The following C6orf58 variants were observed in gnomAD, a reference collection of about 807,000 sequenced individuals.
C6orf58 encodes chromosome 6 open reading frame 58, also known as protein LEG1 homolog.
In C6orf58, 30 loss-of-function variants were observed where a neutral mutation model predicts 37.0. That is an observed-to-expected ratio of 0.81 (90% CI 0.61 to 1.10). The LOEUF (loss-of-function observed/expected upper bound fraction) is 1.10. Among genes scored for constraint, C6orf58 ranks in the 50% least tolerant of loss-of-function variants. The probability of loss-of-function intolerance (pLI) is 0.00; values close to 1 mark genes in which losing one functional copy is unlikely to be tolerated. For synonymous variants in C6orf58, 143 were observed against 134.1 expected, an observed-to-expected ratio of 1.07 and a Z score of -0.46; for missense variants, 368 against 387.5, an observed-to-expected ratio of 0.95 and a Z score of 0.42.
chr6:127,581,308 CTATT>C, intron 4 of C6orf58, 26 bp downstream of exon 4: 1 of 1,023,550 alleles, frequency 9.8e-7, no homozygotes, highest in Non-Finnish European at 1.4e-6. Flanking sequence ...TAAAGTATCT[CTATT>C]TAATATGATA....
At chr6:127,587,283 A>C (rs1325953104) in intron 4 of C6orf58, among the ~76,000 whole-genome samples, 1 of 152,040 alleles carries the variant, frequency 6.6e-6, no homozygotes, top group Non-Finnish European at 1.5e-5. Context: ...ATTCCCTTCT[A>C]TTGTCTCTTT....
intron 4 of C6orf58, among the ~76,000 whole-genome samples, chr6:127,587,903 A>T (rs1775122548): frequency 6.6e-6 from 1 of 152,220 alleles, no homozygotes. Context: ...TTAAAGGCAA[A>T]TTGACAGGGT....
At chr6:127,579,302 G>A (rs1232085349) in intron 2 of C6orf58, among the ~76,000 whole-genome samples, 1 of 152,060 alleles carries the variant, frequency 6.6e-6, no homozygotes, top group Non-Finnish European at 1.5e-5. Flanking sequence ...TTATGCTTTA[G>A]TAATGAAAAC....
At chr6:127,590,851 T>C (rs954752680) in intron 5 of C6orf58, among the ~76,000 whole-genome samples, 1 of 152,134 alleles carries the variant, frequency 6.6e-6, no homozygotes, top group African/African-American at 2.4e-5. Flanking sequence ...CAGAGGGTTC[T>C]TTATCTACCA....
intron 4 of C6orf58, among the ~76,000 whole-genome samples, chr6:127,588,550 C>G (rs1230302171): frequency 2.0e-5 from 3 of 152,186 alleles, no homozygotes. Context: ...CTCTGTGGCT[C>G]TGTATCCTCA....
rs765260589 is a variant in C6orf58, at chr6:127,591,639, C to A, written c.*17C>A. The A allele has an allele frequency of 6.8e-7, 1 of 1,480,310 alleles. No homozygotes were observed. Among genetic ancestry groups the A allele is most frequent in the Admixed American group, 2.7e-5 (1 of 36,966 alleles). 91.7% of individuals were successfully genotyped at this position (1,480,310 alleles called of 1,614,324 possible). Reference sequence around the variant, plus strand: ...AACTCCTGAAACATTTAACTTCAAACTTCAGGAAATGATTAATGAATTAAA... The same window carrying A: ...AACTCCTGAAACATTTAACTTCAAAATTCAGGAAATGATTAATGAATTAAA... On this transcript the variant is annotated 3_prime_UTR_variant, in exon 6 of 6. Coordinates refer to ENST00000329722, the MANE Select transcript of C6orf58 (RefSeq NM_001010905.3).
chr6:127,581,185 T>C lies in C6orf58; in HGVS notation c.577T>C (p.Leu193=), dbSNP rs774583190. 6.8e-7 allele frequency: 1 copy of C among 1,467,844 alleles called. No homozygotes were observed. Among genetic ancestry groups the C allele is most frequent in the Non-Finnish European group, 9.2e-7 (1 of 1,089,078 alleles). The allele number at this position is 1,467,844 out of a possible 1,614,324, so 90.9% of individuals were successfully genotyped here. ...AAATTTGACCTCTTTACCTTAGTAT[T>C]TGCAGTCACCTTTTAGTAAGTTTGA... is the stretch of plus-strand genomic sequence containing the variant. ...MNKWNTFYQY[L]QSPFSKFDDL... The change falls in exon 4 of 6, where the codon TTG becomes CTG. Residue 193 remains leucine, a synonymous_variant. Coordinates refer to ENST00000329722, the MANE Select transcript of C6orf58 (RefSeq NM_001010905.3).
intron 5 of C6orf58, 110 bp from the exon 6 acceptor site, chr6:127,591,433 C>A: frequency 1.0e-6 from 1 of 966,504 alleles, no homozygotes; most frequent in Non-Finnish European, 1.4e-6. Context: ...ATGATTTTAC[C>A]ATTAAATTAG....
chr6:127,577,587 T>C, intron 1 of C6orf58, 101 bp downstream of exon 1: 2 of 965,738 alleles, frequency 2.1e-6, no homozygotes, highest in South Asian at 3.0e-5. Flanking sequence ...TTTTAAAAAT[T>C]GATTCTTTAT....
At chr6:127,588,452 A>G (rs188496324) in intron 4 of C6orf58, among the ~76,000 whole-genome samples, 9 of 152,276 alleles carry the variant, frequency 5.9e-5, no homozygotes, top group Admixed American at 5.2e-4. Context: ...AAGCTCATCA[A>G]GTTACTTTCT....
At chr6:127,582,762 A>C (rs766926607) in intron 4 of C6orf58, among the ~76,000 whole-genome samples, 4 of 152,166 alleles carry the variant, frequency 2.6e-5, no homozygotes, top group Non-Finnish European at 5.9e-5. Flanking sequence ...GTTGCAGACC[A>C]ATATCCAGTT....
Position 127,577,452 on chromosome 6 carries a change from G to T in C6orf58, c.267G>T (p.Gly89=). The T allele has an allele frequency of 6.2e-7, 1 of 1,613,588 alleles. No homozygotes were observed. Among genetic ancestry groups the T allele is most frequent in the East Asian group, 2.2e-5 (1 of 44,880 alleles). ...APDNEQNILW[G]LPLQYGWQYR... ...ATAATGAACAGAATATTTTATGGGG[G>T]TTGCCTCTGCAGTATGGCTGGCAAT... is the stretch of plus-strand genomic sequence containing the variant. Residue 89 remains glycine (G), a synonymous_variant, in exon 1 of 6, where the codon GGG becomes GGT. Transcript: ENST00000329722.
chr6:127,590,676 A>C (rs896703774), intron 5 of C6orf58, among the ~76,000 whole-genome samples: 1 of 151,992 alleles, frequency 6.6e-6, no homozygotes, highest in Non-Finnish European at 1.5e-5. Flanking sequence ...CTTTGCTCTT[A>C]TATTTAAAGA....
intron 4 of C6orf58, among the ~76,000 whole-genome samples, chr6:127,584,101 A>G (rs1477448865): frequency 6.6e-6 from 1 of 152,226 alleles, no homozygotes; most frequent in Non-Finnish European, 1.5e-5. Context: ...GTTTCCAGGA[A>G]TGCCCTATAA....
chr6:127,588,951 C>T (rs1416381964), intron 4 of C6orf58, among the ~76,000 whole-genome samples: 2 of 152,124 alleles, frequency 1.3e-5, no homozygotes, highest in Admixed American at 1.3e-4. Context: ...TCCAACTCTG[C>T]CCACCCTACC....
rs766269794 is a variant in C6orf58, at chr6:127,581,250, C to A, written c.642C>A (p.Thr214=). Residue 214 remains threonine, a synonymous_variant, in exon 4 of 6, where the codon ACC becomes ACA. Transcript: ENST00000329722. Reference sequence around the variant, plus strand: ...ACTTATGGGCTGCACACACTTCAACCTTGGCAGATAATATCAAAAGTTTTG... The same window carrying A: ...ACTTATGGGCTGCACACACTTCAACATTGGCAGATAATATCAAAAGTTTTG... ...LKYLWAAHTS[T]LADNIKSFED... 34 of 1,523,264 alleles carry A rather than the reference C, an allele frequency of 2.2e-5. No individual in the cohort carries two copies. Among genetic ancestry groups the A allele is most frequent in the Non-Finnish European group, 4.4e-6 (5 of 1,129,812 alleles). 94.4% of individuals were successfully genotyped at this position (1,523,264 alleles called of 1,614,324 possible).
At chr6:127,583,669 G>A (rs1233334420) in intron 4 of C6orf58, among the ~76,000 whole-genome samples, 1 of 152,108 alleles carries the variant, frequency 6.6e-6, no homozygotes, top group Non-Finnish European at 1.5e-5. Flanking sequence ...ACCTTCTGAT[G>A]GAGTTCAAAG....
chr6:127,578,629 T>TA (rs1237347561), intron 1 of C6orf58, 57 bp from the exon 2 acceptor site: 7 of 1,223,876 alleles, frequency 5.7e-6, no homozygotes, highest in Non-Finnish European at 8.4e-6. Flanking sequence ...AAGCAATAGT[T>TA]ACAGCCAGTT....
chr6:127,588,618 C>T (rs1775129771), intron 4 of C6orf58, among the ~76,000 whole-genome samples: 1 of 152,162 alleles, frequency 6.6e-6, no homozygotes, highest in South Asian at 2.1e-4. Flanking sequence ...TTCAAGTGTA[C>T]TTTAATTCTT....
Sources: gnomAD v4.1 joint callset for allele counts (sites outside exome capture counted in the v4.1 genomes callset) on GRCh38, gnomAD v4.1.1 for gene constraint, MANE v1.5 for transcripts, NCBI Gene and HGNC (gene_info 2026-07-23, HGNC 2026-07-21) for gene names.